Variants in DNHD1 observed in about 807,000 individuals in gnomAD.
DNHD1 encodes the protein dynein heavy chain domain-containing protein 1.
DNHD1 carries 383 observed loss-of-function variants against 458.1 expected under a neutral mutation model. That is an observed-to-expected ratio of 0.84 (90% confidence interval 0.77 to 0.91). The LOEUF is 0.91. Among genes scored for constraint, DNHD1 ranks in the 40% least tolerant of loss-of-function variants. The pLI is 0.00. For synonymous variants in DNHD1, 2,203 were observed against 2,376.9 expected (o/e 0.93, Z 2.13); for missense variants, 5,336 against 5,866.1 (o/e 0.91, Z 2.95).
rs371309119 is a variant in DNHD1 at position 6,498,822 on chromosome 11, C to A, written c.607C>A (p.Gln203Lys). 2.4e-5 allele frequency: 39 copies of A among 1,614,112 alleles called. No individual in the cohort carries two copies. Among genetic ancestry groups the A allele is most frequent in the Non-Finnish European group, 3.2e-5 (38 of 1,180,046 alleles). ...LQRCLGIVGA[Q>K]VALEEAVWLD... ...GCGCTGCCTGGGCATTGTTGGTGCT[C>A]AGGTGGCCCTAGAAGAGGCTGTGTG... The change falls in exon 3 of 43, where the codon CAG becomes AAG. Residue 203 changes from glutamine (Q) to lysine (K), a missense_variant. Physicochemically the swap from Gln to Lys is moderately conservative, Grantham distance 53 (BLOSUM62 1). Around this residue, in one of 4 missense-constraint regions of DNHD1, gnomAD observed 3,932 missense variants for 4,365.6 expected, o/e 0.90. Transcript: ENST00000254579.
At chr11:6,569,426 T>G (rs1426674181) in intron 39 of DNHD1, among the ~76,000 whole-genome samples, 1 of 151,670 alleles carries the variant, frequency 6.6e-6, no homozygotes, top group Non-Finnish European at 1.5e-5. Flanking sequence ...GAGCTTGCAG[T>G]GAGCCGAGAT....
At chr11:6,525,587 TTC>T (rs1852694157) in intron 10 of DNHD1, among the ~76,000 whole-genome samples, 1 of 152,262 alleles carries the variant, frequency 6.6e-6, no homozygotes, top group African/African-American at 2.4e-5. Context: ...GTTGATGTCT[TTC>T]TAGTAATTTT....
intron 18 of DNHD1, among the ~76,000 whole-genome samples, chr11:6,540,379 T>C (rs1320618230): frequency 1.3e-5 from 2 of 152,224 alleles, no homozygotes; most frequent in African/African-American, 4.8e-5. Flanking sequence ...ATCTACACCT[T>C]TCAATGCTCT....
intron 18 of DNHD1, 108 bp from the exon 19 acceptor site, chr11:6,544,013 A>C: frequency 1.3e-6 from 1 of 741,786 alleles, no homozygotes; most frequent in Non-Finnish European, 2.1e-6. Context: ...AAAGGGCATC[A>C]GGGTCTCTGT....
intron 32 of DNHD1, among the ~76,000 whole-genome samples, chr11:6,565,091 GT>G (rs1680905386): frequency 1.3e-5 from 2 of 152,172 alleles, no homozygotes; most frequent in South Asian, 4.1e-4. Flanking sequence ...GAATATTTCT[GT>G]TGGCTCTGTT....
At chr11:6,523,211 C>T (rs776493246) in intron 10 of DNHD1, among the ~76,000 whole-genome samples, 5 of 152,122 alleles carry the variant, frequency 3.3e-5, no homozygotes, top group South Asian at 2.1e-4. Context: ...TCTTGATGTA[C>T]GTTTTGGTTG....
At chr11:6,551,591 CAT>C (rs1853344736) in intron 24 of DNHD1, among the ~76,000 whole-genome samples, 1 of 152,004 alleles carries the variant, frequency 6.6e-6, no homozygotes, top group Non-Finnish European at 1.5e-5. Flanking sequence ...AAAAGGAAAA[CAT>C]AAATTTTGAA....
rs755744999 is a variant in DNHD1 at position 6,519,771 on chromosome 11, C to T, written c.1564C>T (p.Arg522Cys). 31 of 1,613,764 alleles carry T rather than the reference C, an allele frequency of 1.9e-5. No homozygotes were observed. The highest frequency in any genetic ancestry group is 2.2e-5 in the South Asian group (2 of 91,086). Residue 522 changes from arginine (R) to cysteine (C), a missense_variant, in exon 8 of 43, where the codon CGC (arginine) becomes TGC (cysteine). By Grantham distance (180) the Arg-to-Cys change is radical (BLOSUM62 -3). This residue lies in a region of DNHD1 where 3,932 missense variants were observed against 4,365.6 expected (regional missense o/e 0.90). Transcript: ENST00000254579. ...GTGGCTGCAGCTGGGAAAGTTTGCC[C>T]GCCTGGTTGACTACATGATTTGTCA... is the stretch of plus-strand genomic sequence containing the variant. Reference protein sequence around the residue: ...AWWLQLGKFARLVDYMICQSL... With the variant: ...AWWLQLGKFACLVDYMICQSL...
intron 14 of DNHD1, among the ~76,000 whole-genome samples, chr11:6,537,728 C>G (rs1490570588): frequency 6.6e-6 from 1 of 152,018 alleles, no homozygotes; most frequent in Non-Finnish European, 1.5e-5. Context: ...GTCAGGAGTT[C>G]GAGACAAGCC....
intron 41 of DNHD1, 32 bp downstream of exon 41, chr11:6,570,428 AG>A (rs1370338878): frequency 1.3e-6 from 2 of 1,586,930 alleles, no homozygotes; most frequent in African/African-American, 1.3e-5. Flanking sequence ...GTTTTGGGGT[AG>A]GGAATAGTGC....
chr11:6,564,895 C>T lies in DNHD1; in HGVS notation c.10756+91C>T, dbSNP rs1853664610. ...GGTCTTTCCCTTCATAATGAGGACACTGTATTTTTGTGATCAGGATGTCCC... is the reference window on the plus strand; with the variant it reads ...GGTCTTTCCCTTCATAATGAGGACATTGTATTTTTGTGATCAGGATGTCCC... On this transcript the variant is annotated intron_variant, in intron 32 of 42. Transcript: ENST00000254579. 1.3e-5 allele frequency: 15 copies of T among 1,139,424 alleles called. No homozygotes were observed. In the South Asian group the frequency reaches 2.4e-4, roughly 18 times the overall value. 70.6% of individuals were successfully genotyped at this position (1,139,424 alleles called of 1,614,324 possible). A position where few individuals can be genotyped will look rare whatever the true frequency, so the allele number is the denominator to read the frequency against.
At position 6,497,875 on chromosome 11, in the gene DNHD1, A is replaced by C. The variant is rs946733124; in HGVS notation, c.-341A>C. On this transcript the variant is annotated 5_prime_UTR_variant, in exon 3 of 43. Coordinates refer to ENST00000254579, the MANE Select transcript of DNHD1 (RefSeq NM_144666.3). ...GGGGACAGGGTACTGGGAGGTAAGA[A>C]GGAACTCTTCTGCAAGGAGGGCTCT... 1 of 287,510 alleles carries C rather than the reference A, an allele frequency of 3.5e-6. No homozygotes were observed. The highest frequency in any genetic ancestry group is 4.8e-5 in the Admixed American group (1 of 21,016). 17.8% of individuals were successfully genotyped at this position (287,510 alleles called of 1,614,324 possible). A position where few individuals can be genotyped will look rare whatever the true frequency, so the allele number is the denominator to read the frequency against.
chr11:6,561,223 C>A (rs61875863), intron 28 of DNHD1, among the ~76,000 whole-genome samples: 1 of 152,148 alleles, frequency 6.6e-6, no homozygotes, highest in Admixed American at 6.5e-5. Flanking sequence ...ATCACTTGAG[C>A]CCAGGAGTTC....
intron 4 of DNHD1, among the ~76,000 whole-genome samples, chr11:6,504,821 T>A (rs11040902): frequency 0.27 from 41,289 of 151,950 alleles, 6,195 homozygotes; most frequent in Non-Finnish European, 0.34. Flanking sequence ...CCCCTTTCCT[T>A]CAGAGTTCTT....
chr11:6,528,469 G>T, intron 10 of DNHD1, 53 bp from the exon 11 acceptor site: 1 of 1,503,142 alleles, frequency 6.7e-7, no homozygotes. Context: ...AAGGAAGATT[G>T]TTTGTGGGCT....
At chr11:6,563,630 A>T (rs1853629069) in intron 30 of DNHD1, 63 bp from the exon 31 acceptor site, 1 of 1,545,974 alleles carries the variant, frequency 6.5e-7, no homozygotes, top group Non-Finnish European at 8.7e-7. Context: ...GCAAGGCTAA[A>T]CTGTTGGGTC....
At position 6,563,476 on chromosome 11, in the gene DNHD1, G is replaced by A. The variant is rs188293407; in HGVS notation, c.9764G>A (p.Arg3255Gln). ...SYRAPPESVV[R>Q]VTDAMCDLFH... ...CGAGCACCACCAGAATCTGTGGTCC[G>A]GGTAACTGATGCAATGTGTGACTTG... The change falls in exon 30 of 43, where the codon CGG becomes CAG. Residue 3255 changes from arginine to glutamine, a missense_variant. Transcript: ENST00000254579. 5.8e-6 allele frequency: 9 copies of A among 1,551,678 alleles called. No individual in the cohort carries two copies. The highest frequency in any genetic ancestry group is 4.9e-5 in the East Asian group (2 of 40,924).
intron 18 of DNHD1, among the ~76,000 whole-genome samples, chr11:6,542,032 G>T (rs1444749715): frequency 6.6e-6 from 1 of 152,110 alleles, no homozygotes; most frequent in Non-Finnish European, 1.5e-5. Context: ...TTTATATCCA[G>T]TATTTGGTGA....
chr11:6,537,398 T>C (rs528544804), intron 14 of DNHD1, among the ~76,000 whole-genome samples: 5 of 152,336 alleles, frequency 3.3e-5, no homozygotes, highest in Middle Eastern at 3.4e-3. Flanking sequence ...GAGAGACTGC[T>C]GTGTACACTA....
Sources: allele counts gnomAD v4.1 joint callset (sites outside exome capture counted in the v4.1 genomes callset), GRCh38; gene constraint gnomAD v4.1.1; regional missense constraint gnomAD v4.1.1; transcripts MANE v1.5; gene names NCBI Gene and HGNC (gene_info 2026-07-23, HGNC 2026-07-21).